LPIN3: variants seen among roughly 807,000 people sequenced by gnomAD.
LPIN3 encodes phosphatidate phosphatase LPIN3.
In LPIN3, 82 loss-of-function variants were observed where a neutral mutation model predicts 94.7. The observed-to-expected ratio is 0.87, with a 90% CI of 0.72 to 1.04. The LOEUF (loss-of-function observed/expected upper bound fraction) is 1.04, where lower values mean the gene tolerates loss of function less well. Among genes scored for constraint, LPIN3 ranks in the 50% least tolerant of loss-of-function variants. LPIN3 has a pLI of 0.00. For missense variants in LPIN3, 996 were observed against 1,090.5 expected, an observed-to-expected ratio of 0.91 and a Z score of 1.22; for synonymous variants, 418 against 443.3, an observed-to-expected ratio of 0.94 and a Z score of 0.72.
intron 14 of LPIN3, among the ~76,000 whole-genome samples, chr20:41,356,377 C>G (rs1394357933): frequency 6.6e-6 from 1 of 152,192 alleles, no homozygotes; most frequent in Non-Finnish European, 1.5e-5. Context: ...ATTCTGGCAA[C>G]CCTTGGCCCC....
chr20:41,347,622 T>C lies in LPIN3; in HGVS notation c.263T>C (p.Phe88Ser). 6.2e-7 allele frequency: 1 copy of C among 1,614,040 alleles called. No individual in the cohort carries two copies. The part of the protein sequence containing the change: ...MKLGDSGEAF[F>S]VQELESDDEH... ...CTTGGGGACAGCGGGGAGGCCTTCTTTGTTCAGGAGCTGGAGAGCGATGAT... is the reference window on the plus strand; with the variant it reads ...CTTGGGGACAGCGGGGAGGCCTTCTCTGTTCAGGAGCTGGAGAGCGATGAT... Residue 88 changes from phenylalanine to serine, a missense_variant, in exon 3 of 20, where the codon TTT becomes TCT. Transcript: ENST00000373257.
intron 16 of LPIN3, 30 bp downstream of exon 16, chr20:41,357,477 G>C: frequency 6.3e-7 from 1 of 1,575,500 alleles, no homozygotes; most frequent in Non-Finnish European, 8.7e-7. Flanking sequence ...CTGGGGCTGA[G>C]GCGAGGCCCC....
intron 5 of LPIN3, 58 bp from the exon 6 acceptor site, chr20:41,349,716 G>A (rs2045928577): frequency 1.9e-6 from 3 of 1,561,108 alleles, no homozygotes; most frequent in Non-Finnish European, 2.6e-6. Flanking sequence ...CCTGGCTGGG[G>A]TGGGCAGCAG....
rs1569001887 is a variant in LPIN3 at position 41,351,808 on chromosome 20, C to T, written c.1103-13C>T. On this transcript the variant is annotated splice_polypyrimidine_tract_variant and intron_variant, in intron 7 of 19. Transcript: ENST00000373257. Reference sequence around the variant, plus strand: ...CATGTCAGCTCTACAGATATCCTCTCTTCAACTCTCAGGCTCCCCAAAGAG... The same window carrying T: ...CATGTCAGCTCTACAGATATCCTCTTTTCAACTCTCAGGCTCCCCAAAGAG... 6.2e-7 allele frequency: 1 copy of T among 1,613,308 alleles called. No individual in the cohort carries two copies. The highest frequency in any genetic ancestry group is 1.7e-4 in the Middle Eastern group (1 of 6,060).
chr20:41,352,601 C>A lies in LPIN3; in HGVS notation c.1364-5C>A, dbSNP rs1304885838. 6.2e-7 allele frequency: 1 copy of A among 1,613,432 alleles called. No homozygotes were observed. The highest frequency in any genetic ancestry group is 1.7e-5 in the Admixed American group (1 of 60,004). ...CCTCACCCCTCACTCTGCCTCTGTGCCCAGAGAAATTCAACCAGCACAGCG... is the reference window on the plus strand; with the variant it reads ...CCTCACCCCTCACTCTGCCTCTGTGACCAGAGAAATTCAACCAGCACAGCG... On this transcript the variant is annotated splice_polypyrimidine_tract_variant and splice_region_variant and intron_variant, in intron 9 of 19. Coordinates refer to ENST00000373257, the MANE Select transcript of LPIN3 (RefSeq NM_022896.3).
At chr20:41,356,686 T>C (rs546587534) in intron 14 of LPIN3, among the ~76,000 whole-genome samples, 214 of 152,224 alleles carry the variant, frequency 1.4e-3, no homozygotes, top group Middle Eastern at 6.8e-3. Flanking sequence ...AGGACCCCCA[T>C]CTATGGAGGG....
chr20:41,358,592 C>G (rs2046300660), intron 19 of LPIN3, 50 bp downstream of exon 19: 3 of 1,607,002 alleles, frequency 1.9e-6, no homozygotes, highest in African/African-American at 2.7e-5. Context: ...GTCCCCCTGC[C>G]CTGGCTTCTC....
chr20:41,348,282 G>T (rs2045859977), intron 3 of LPIN3, among the ~76,000 whole-genome samples: 1 of 152,218 alleles, frequency 6.6e-6, no homozygotes, highest in Admixed American at 6.5e-5. Context: ...GTTGGGATTG[G>T]GAGAGGGATA....
chr20:41,348,492 C>G, intron 3 of LPIN3, 127 bp from the exon 4 acceptor site: 2 of 1,403,836 alleles, frequency 1.4e-6, no homozygotes, highest in South Asian at 1.5e-5. Flanking sequence ...TGCCTCCACA[C>G]CTGTTTTCCT....
rs1461942025 is a variant in LPIN3 at position 41,357,206 on chromosome 20, G to A, written c.1952+18G>A. The stretch of plus-strand genomic sequence containing the variant: ...ATCACCAAGTGAGGCCCACCCAGCT[G>A]TGGGAAGGGGAGGGAGAGGGGTTGT... On this transcript the variant is annotated intron_variant, in intron 15 of 19. Coordinates refer to ENST00000373257, the MANE Select transcript of LPIN3 (RefSeq NM_022896.3). 6.2e-7 allele frequency: 1 copy of A among 1,613,452 alleles called. No homozygotes were observed. Among genetic ancestry groups the A allele is most frequent in the African/African-American group, 1.3e-5 (1 of 74,934 alleles).
Position 41,340,905 on chromosome 20 carries a change from C to G in LPIN3, c.-106C>G, listed in dbSNP as rs988409673. ...CCTGTCTTAGAGGACCCGGAAGCGC[C>G]AAGTGACTGAGGGCCGAAGACACTC... is the stretch of plus-strand genomic sequence containing the variant. On this transcript the variant is annotated 5_prime_UTR_variant, in exon 1 of 20. Transcript: ENST00000373257. 2.0e-5 allele frequency: 3 copies of G among 152,282 alleles called. No individual in the cohort carries two copies. Among genetic ancestry groups the G allele is most frequent in the Non-Finnish European group, 2.9e-5 (2 of 68,096 alleles). 9.4% of individuals were successfully genotyped at this position (152,282 alleles called of 1,614,324 possible). A position where few individuals can be genotyped will look rare whatever the true frequency, so the allele number is the denominator to read the frequency against.
rs200365376 is a variant in LPIN3, at chr20:41,354,694, G to A, written c.1577G>A (p.Arg526Gln). ...GAGAAGATGCCCCGGAAGGGTGGGC[G>A]ATGGTGGTTTTCCTGGCGACGCAGG... is the stretch of plus-strand genomic sequence containing the variant. The part of the protein sequence containing the change: ...EREKMPRKGG[R>Q]WWFSWRRRDF... Residue 526 changes from arginine to glutamine, a missense_variant, in exon 12 of 20, where the codon CGA becomes CAA. Physicochemically the swap from Arg to Gln is conservative, Grantham distance 43. Transcript: ENST00000373257. The A allele has an allele frequency of 1.3e-4, 215 of 1,606,584 alleles. 1 individual carries two copies. Among genetic ancestry groups the A allele is most frequent in the Middle Eastern group, 1.7e-4 (1 of 6,056 alleles).
Position 41,347,638 on chromosome 20 carries a change from G to A in LPIN3, c.279G>A (p.Glu93=), listed in dbSNP as rs1600715812. ...SGEAFFVQEL[E]SDDEHVPPGL... ...AGGCCTTCTTTGTTCAGGAGCTGGA[G>A]AGCGATGATGTGAGTCTGCCCTCCT... Residue 93 remains glutamate (E), a synonymous_variant, in exon 3 of 20, where the codon GAG becomes GAA. Coordinates refer to ENST00000373257, the MANE Select transcript of LPIN3 (RefSeq NM_022896.3). 1.2e-6 allele frequency: 2 copies of A among 1,613,672 alleles called. No homozygotes were observed. Among genetic ancestry groups the A allele is most frequent in the Non-Finnish European group, 1.7e-6 (2 of 1,179,758 alleles).
Position 41,356,026 on chromosome 20 carries a change from G to C in LPIN3, c.1795G>C (p.Asp599His). 6.2e-7 allele frequency: 1 copy of C among 1,613,794 alleles called. No homozygotes were observed. Among genetic ancestry groups the C allele is most frequent in the Non-Finnish European group, 8.5e-7 (1 of 1,179,800 alleles). Residue 599 changes from aspartate (D) to histidine (H), a missense_variant, in exon 14 of 20, where the codon GAT (aspartate) becomes CAT (histidine). Physicochemically the swap from Asp to His is moderately conservative, Grantham distance 81 (BLOSUM62 -1). Transcript: ENST00000373257. The part of the protein sequence containing the change: ...TYKKSLRLSS[D>H]QIRRLNLQEG... ...CAAGAAGTCCCTCCGCCTCTCCTCC[G>C]ATCAGATCGTAAGTGTGGGTTGTCT...
At position 41,359,123 on chromosome 20, in the gene LPIN3, CTTTTTTTTTTT is replaced by C. The variant is rs75257468; in HGVS notation, c.*272_*282del. 1.3e-4 allele frequency: 10 copies of C among 77,030 alleles called. 1 individual carries two copies. In the East Asian group the frequency reaches 1.4e-3, roughly 11 times the overall value. The allele number at this position is 77,030 out of a possible 1,614,324, so 4.8% of individuals were successfully genotyped here. On this transcript the variant is annotated 3_prime_UTR_variant, in exon 20 of 20. Transcript: ENST00000373257. ...TTGTCATCTGGGCCCTTGCAGGGTT[CTTTTTTTTTTT>C]TTTTTTTTTTTTTTCCTGAGACAGG... is the stretch of plus-strand genomic sequence containing the variant.
At chr20:41,352,271 G>C (rs1175986108) in intron 9 of LPIN3, 51 bp downstream of exon 9, 1 of 1,599,136 alleles carries the variant, frequency 6.3e-7, no homozygotes, top group Non-Finnish European at 8.6e-7. Flanking sequence ...TGAGCCCAGA[G>C]GATGGGGAGG....
chr20:41,350,575 TGCCACAGGCATA>T (rs1039803949), intron 7 of LPIN3, among the ~76,000 whole-genome samples, 178 bp downstream of exon 7: 2 of 152,196 alleles, frequency 1.3e-5, no homozygotes, highest in Admixed American at 6.5e-5. Flanking sequence ...TGGAAGGGCG[TGCCACAGGCATA>T]GTCATTGGTT....
Position 41,352,116 on chromosome 20 carries a change from G to C in LPIN3, c.1259G>C (p.Arg420Thr). 1 of 1,614,238 alleles carries C rather than the reference G, an allele frequency of 6.2e-7. No individual in the cohort carries two copies. The highest frequency in any genetic ancestry group is 8.5e-7 in the Non-Finnish European group (1 of 1,180,044). The change falls in exon 9 of 20, where the codon AGG becomes ACG. Residue 420 changes from arginine (R) to threonine (T), a missense_variant. Physicochemically the swap from Arg to Thr is moderately conservative, Grantham distance 71 (BLOSUM62 -1). Transcript: ENST00000373257. The stretch of plus-strand genomic sequence containing the variant: ...GAACCCAGCAGTCAGAAGTCCCTGA[G>C]GGACCCCAACCCTGAACATGAACCT... The part of the protein sequence containing the change: ...WSEPSSQKSL[R>T]DPNPEHEPEP...
chr20:41,357,294 G>A (rs2046244345), intron 15 of LPIN3, 67 bp from the exon 16 acceptor site: 2 of 1,600,884 alleles, frequency 1.2e-6, no homozygotes, highest in Non-Finnish European at 1.7e-6. Context: ...TTCCTGGTGG[G>A]CCATCCTGGG....
Sources: allele counts gnomAD v4.1 joint callset (sites outside exome capture counted in the v4.1 genomes callset), GRCh38; gene constraint gnomAD v4.1.1; transcripts MANE v1.5; gene names NCBI Gene and HGNC (gene_info 2026-07-23, HGNC 2026-07-21).